Variants in NOL8 observed in about 807,000 individuals in gnomAD.
NOL8 encodes the protein nucleolar protein Nop132.
In NOL8, 93 loss-of-function variants were observed where a neutral mutation model predicts 116.1. That is an observed-to-expected ratio of 0.80 (90% CI 0.68 to 0.95). The LOEUF (loss-of-function observed/expected upper bound fraction) is 0.95. Ranked by LOEUF, NOL8 falls within the 40% of genes least tolerant of loss-of-function variation. NOL8 has a pLI of 0.00. For missense variants in NOL8, 1,291 were observed against 1,382.8 expected, an observed-to-expected ratio of 0.93 and a Z score of 1.05; for synonymous variants, 419 against 469.0, an observed-to-expected ratio of 0.89 and a Z score of 1.38.
At chr9:92,300,714 T>C in intron 13 of NOL8, 1 of 1,142,338 alleles carries the variant, frequency 8.8e-7, no homozygotes. Flanking sequence ...ACTACTAGAT[T>C]GTTATACTTC....
Position 92,306,960 on chromosome 9 carries a change from A to G in NOL8, c.2751T>C (p.Asn917=), listed in dbSNP as rs375530094. ...ELAEEKKKAL[N]VVQSVLQINL... is the part of the protein sequence containing the mutation. Reference sequence around the variant, plus strand: ...TGATTTGCAAAACACTTTGTACAACATTCAGGGCTTTCTTTTTTTCTTCAG... The same window carrying G: ...TGATTTGCAAAACACTTTGTACAACGTTCAGGGCTTTCTTTTTTTCTTCAG... The change falls in exon 11 of 17, where the codon AAT becomes AAC. Residue 917 remains asparagine, a synonymous_variant. Transcript: ENST00000442668. 1.7e-4 allele frequency: 268 copies of G among 1,613,374 alleles called. No homozygotes were observed. The highest frequency in any genetic ancestry group is 2.8e-4 in the Admixed American group (17 of 59,992).
intron 11 of NOL8, among the ~76,000 whole-genome samples, 171 bp downstream of exon 11, chr9:92,306,715 A>G (rs1838295240): frequency 6.6e-6 from 1 of 152,232 alleles, no homozygotes; most frequent in South Asian, 2.1e-4. Context: ...ATTTAAGATT[A>G]GTTCCTTGAA....
At chr9:92,318,899 C>A in intron 5 of NOL8, 1 of 549,436 alleles carries the variant, frequency 1.8e-6, no homozygotes, top group Non-Finnish European at 3.1e-6. Flanking sequence ...CCCAAGTAAA[C>A]CGTGTAAGAT....
At chr9:92,310,478 A>G in intron 9 of NOL8, 75 bp downstream of exon 9, 5 of 1,497,100 alleles carry the variant, frequency 3.3e-6, no homozygotes, top group South Asian at 1.3e-5. Context: ...GTCTGCCTGC[A>G]TTTACCCAGA....
Position 92,314,482 on chromosome 9 carries a change from T to C in NOL8, c.2143A>G (p.Ser715Gly). ...EASQEERSDSSGLTSLKKSPK... is the reference protein window; with the variant it reads ...EASQEERSDSGGLTSLKKSPK... ...GATTTCTTGAGAGATGTGAGGCCGCTTGAATCAGACCGCTCTTCCTGTGAA... is the reference window on the plus strand; with the variant it reads ...GATTTCTTGAGAGATGTGAGGCCGCCTGAATCAGACCGCTCTTCCTGTGAA... The change falls in exon 7 of 17, where the codon AGC becomes GGC. Residue 715 changes from serine to glycine, a missense_variant. Coordinates refer to ENST00000442668, the MANE Select transcript of NOL8 (RefSeq NM_017948.6). The C allele has an allele frequency of 6.2e-7, 1 of 1,613,162 alleles. No individual in the cohort carries two copies. The highest frequency in any genetic ancestry group is 2.2e-5 in the East Asian group (1 of 44,838).
rs752324625 is a variant in NOL8 at position 92,315,716 on chromosome 9, A to G, written c.909T>C (p.Asp303=). The change falls in exon 7 of 17, where the codon GAT becomes GAC. Residue 303 remains aspartate (D), a synonymous_variant. Transcript: ENST00000442668. ...TCATCATTCTCAATTCATCTTCAGA[A>G]TCAGTATCATCATCAGAAATGCTGT... The part of the protein sequence containing the change: ...KRNSISDDDT[D]SEDELRMMIA... The G allele has an allele frequency of 2.3e-5, 37 of 1,612,790 alleles. No individual in the cohort carries two copies. The South Asian group carries it at 3.1e-4, about 13-fold the overall frequency.
At position 92,315,818 on chromosome 9, in the gene NOL8, A is replaced by T. The variant is rs753389786; in HGVS notation, c.807T>A (p.Pro269=). 8.7e-6 allele frequency: 14 copies of T among 1,613,974 alleles called. No homozygotes were observed. The highest frequency in any genetic ancestry group is 1.2e-5 in the Non-Finnish European group (14 of 1,179,846). The change falls in exon 7 of 17, where the codon CCT becomes CCA. Residue 269 remains proline (P), a synonymous_variant. Coordinates refer to ENST00000442668, the MANE Select transcript of NOL8 (RefSeq NM_017948.6). ...CDSITPSKSS[P]VPVSDTQKLK... ...GTTTCTGAGTATCAGAAACAGGTAC[A>T]GGAGATGATTTAGAAGGAGTAATGG...
chr9:92,301,842 C>T lies in NOL8; in HGVS notation c.2904-20G>A, dbSNP rs769426976. ...GCTTTACTGAAATGACATATGTAGA[C>T]ATGTGCATCACAAAGAAACAAGTTT... On this transcript the variant is annotated intron_variant, in intron 12 of 16. Coordinates refer to ENST00000442668, the MANE Select transcript of NOL8 (RefSeq NM_017948.6). 1.6e-5 allele frequency: 25 copies of T among 1,527,424 alleles called. No individual in the cohort carries two copies. The South Asian group carries it at 3.0e-4, about 19-fold the overall frequency. 94.6% of individuals were successfully genotyped at this position (1,527,424 alleles called of 1,614,324 possible).
At position 92,320,016 on chromosome 9, in the gene NOL8, A is replaced by G. The variant is rs866632563; in HGVS notation, c.282-660T>C. 20 of 454,244 alleles carry G rather than the reference A, an allele frequency of 4.4e-5. No individual in the cohort carries two copies. The Middle Eastern group carries it at 5.5e-3, about 125-fold the overall frequency. 28.1% of individuals were successfully genotyped at this position (454,244 alleles called of 1,614,324 possible). ...AGACCATGGATCGCAAGTTCTCTCA[A>G]TTTTCCCCTTTCAATTTATATACGT... On this transcript the variant is annotated intron_variant, in intron 4 of 16. Coordinates refer to ENST00000442668, the MANE Select transcript of NOL8 (RefSeq NM_017948.6).
chr9:92,314,184 A>T, intron 7 of NOL8, 83 bp downstream of exon 7: 1 of 1,471,090 alleles, frequency 6.8e-7, no homozygotes, highest in Non-Finnish European at 9.0e-7. Flanking sequence ...AATCAGCTCT[A>T]TGGGGGCACA....
Position 92,316,084 on chromosome 9 carries a change from C to T in NOL8, c.541G>A (p.Asp181Asn), listed in dbSNP as rs1839378823. Reference sequence around the variant, plus strand: ...GATATAGGAATGGTGTTTGAGAAATCCTCCCCTATCTTCTTCAGGTTGTGG... The same window carrying T: ...GATATAGGAATGGTGTTTGAGAAATTCTCCCCTATCTTCTTCAGGTTGTGG... Reference protein sequence around the residue: ...YCHNLKKIGEDFSNTIPISSL... With the variant: ...YCHNLKKIGENFSNTIPISSL... The change falls in exon 7 of 17, where the codon GAT becomes AAT. Residue 181 changes from aspartate (D) to asparagine (N), a missense_variant. Asp to Asn is a conservative substitution (Grantham distance 23). Coordinates refer to ENST00000442668, the MANE Select transcript of NOL8 (RefSeq NM_017948.6). 6.2e-7 allele frequency: 1 copy of T among 1,613,924 alleles called. No individual in the cohort carries two copies. Among genetic ancestry groups the T allele is most frequent in the Non-Finnish European group, 8.5e-7 (1 of 1,179,846 alleles).
chr9:92,309,259 G>A (rs186537004), intron 10 of NOL8, among the ~76,000 whole-genome samples: 1 of 152,296 alleles, frequency 6.6e-6, no homozygotes, highest in Admixed American at 6.5e-5. Context: ...AAAGCCAACT[G>A]CTACTGAATT....
intron 15 of NOL8, 159 bp from the exon 16 acceptor site, chr9:92,298,495 T>C (rs1837442658): frequency 1.8e-6 from 1 of 562,950 alleles, no homozygotes; most frequent in South Asian, 2.5e-5. Flanking sequence ...TCTTTCCAAA[T>C]GAAAAATATA....
Position 92,318,665 on chromosome 9 carries a change from C to T in NOL8, c.439G>A (p.Gly147Arg), listed in dbSNP as rs1054925343. 1 of 1,595,194 alleles carries T rather than the reference C, an allele frequency of 6.3e-7. No individual in the cohort carries two copies. The highest frequency in any genetic ancestry group is 1.4e-5 in the African/African-American group (1 of 73,864). ...AGGTGAAGAACAGGTAAGACTCTTC[C>T]AAATTTGCTCACAACCCAATTCTAA... Reference protein sequence around the residue: ...GHKNWVVSKFGRVLPVLHLKN... With the variant: ...GHKNWVVSKFRRVLPVLHLKN... Residue 147 changes from glycine (G) to arginine (R), a missense_variant, in exon 6 of 17, where the codon GGA (glycine) becomes AGA (arginine). Gly to Arg is a moderately radical substitution (Grantham distance 125, BLOSUM62 -2). Transcript: ENST00000442668.
chr9:92,315,383 A>G lies in NOL8; in HGVS notation c.1242T>C (p.Asn414=), dbSNP rs745703924. 1.1e-5 allele frequency: 17 copies of G among 1,601,240 alleles called. No individual in the cohort carries two copies. Among genetic ancestry groups the G allele is most frequent in the African/African-American group, 1.3e-5 (1 of 74,634 alleles). The part of the protein sequence containing the change: ...EKSTKKTSFK[N]RENCELSDHC... ...GATCAGAAAGCTCACAGTTTTCTCT[A>G]TTTTTGAAAGAAGTTTTCTTCGTAG... is the stretch of plus-strand genomic sequence containing the variant. Residue 414 remains asparagine (N), a synonymous_variant, in exon 7 of 17, where the codon AAT becomes AAC. Coordinates refer to ENST00000442668, the MANE Select transcript of NOL8 (RefSeq NM_017948.6).
At chr9:92,301,978 A>G (rs895951595) in intron 12 of NOL8, among the ~76,000 whole-genome samples, 156 bp from the exon 13 acceptor site, 2 of 152,246 alleles carry the variant, frequency 1.3e-5, no homozygotes, top group African/African-American at 2.4e-5. Flanking sequence ...TAAAATAAGT[A>G]AAACTCTACA....
At chr9:92,319,053 C>T in intron 5 of NOL8, 168 bp downstream of exon 5, 1 of 633,742 alleles carries the variant, frequency 1.6e-6, no homozygotes, top group Non-Finnish European at 2.5e-6. Flanking sequence ...CTATGCTTAC[C>T]TAAGAGTTGT....
chr9:92,319,801 C>T (rs1258545579), intron 4 of NOL8: 5 of 323,860 alleles, frequency 1.5e-5, no homozygotes, highest in Non-Finnish European at 3.0e-5. Context: ...AGTCCCTTAC[C>T]ACCAGCAACT....
At chr9:92,316,222 T>G in intron 6 of NOL8, 84 bp from the exon 7 acceptor site, 3 of 1,384,478 alleles carry the variant, frequency 2.2e-6, no homozygotes, top group Non-Finnish European at 2.9e-6. Flanking sequence ...TTGCTTAATC[T>G]CAAATAAGTC....
Sources: allele counts gnomAD v4.1 joint callset (sites outside exome capture counted in the v4.1 genomes callset), GRCh38; gene constraint gnomAD v4.1.1; transcripts MANE v1.5; gene names NCBI Gene and HGNC (gene_info 2026-07-23, HGNC 2026-07-21).